SMYD3: variants seen among roughly 807,000 people sequenced by gnomAD.
The protein encoded by SMYD3 is histone-lysine N-methyltransferase SMYD3.
Under a neutral mutation model 57.7 loss-of-function variants are expected in SMYD3, and 36 were observed. The ratio of observed to expected loss-of-function variants is 0.62; its 90% CI spans 0.48 to 0.82. The LOEUF (loss-of-function observed/expected upper bound fraction) is 0.82, where lower values mean the gene tolerates loss of function less well. Among genes scored for constraint, SMYD3 ranks in the 40% least tolerant of loss-of-function variants. SMYD3 has a pLI of 0.00. For missense variants in SMYD3, 515 were observed against 538.8 expected (o/e 0.96, Z 0.44); for synonymous variants, 211 against 195.0 (o/e 1.08, Z -0.68).
At chr1:245,851,342 A>G (rs1413195224) in intron 10 of SMYD3, among the ~76,000 whole-genome samples, 1 of 152,208 alleles carries the variant, frequency 6.6e-6, no homozygotes, top group Non-Finnish European at 1.5e-5. Context: ...TTTGTTGAAA[A>G]GGATGAGTAA....
intron 1 of SMYD3, among the ~76,000 whole-genome samples, chr1:246,366,421 T>C (rs2066103523): frequency 6.6e-6 from 1 of 152,176 alleles, no homozygotes; most frequent in African/African-American, 2.4e-5. Context: ...AACTTTGATA[T>C]GTTACTGCTT....
At position 246,014,500 on chromosome 1, in the gene SMYD3, T is replaced by C. The variant is rs948610533; in HGVS notation, c.532-84563A>G. Among the ~76,000 whole-genome samples the C allele has an allele frequency of 5.4e-4, 82 of 152,134 alleles. 1 individual carries two copies. Among genetic ancestry groups the C allele is most frequent in the Admixed American group, 9.8e-4 (15 of 15,282 alleles). On this transcript the variant is annotated intron_variant, in intron 5 of 11. Transcript: ENST00000490107. The stretch of plus-strand genomic sequence containing the variant: ...AGAGTCACGGGCTTATCCCTGACTC[T>C]AGGACTTAGTAGCGTGGTTAATCAC...
chr1:246,181,427 C>A (rs1386594827), intron 5 of SMYD3, among the ~76,000 whole-genome samples: 2 of 152,182 alleles, frequency 1.3e-5, no homozygotes, highest in Non-Finnish European at 2.9e-5. Flanking sequence ...GACATCCCTG[C>A]CACTCCCCAC....
intron 1 of SMYD3, among the ~76,000 whole-genome samples, chr1:246,440,868 G>A (rs533638812): frequency 2.6e-5 from 4 of 152,052 alleles, no homozygotes; most frequent in African/African-American, 4.8e-5. Flanking sequence ...GGCATACCCC[G>A]TCTTTTGTAT....
In SMYD3 at chr1:246,233,864, AGAG is replaced by A. The variant is rs200977797; in HGVS notation, c.531+93334_531+93336del. The stretch of plus-strand genomic sequence containing the variant: ...ACACAGTGATGAACATATACCACAC[AGAG>A]GAGAAGCACTCCTCAATTCACACTG... On this transcript the variant is annotated intron_variant, in intron 5 of 11. Transcript: ENST00000490107. Among the ~76,000 whole-genome samples the A allele has an allele frequency of 8.7e-3, 1,164 of 133,772 alleles. 25 individuals are homozygous for A. The highest frequency in any genetic ancestry group is 0.019 in the African/African-American group (682 of 35,658). The allele number at this position is 133,772 out of a possible 152,430, so 87.8% of individuals were successfully genotyped here. A position where few individuals can be genotyped will look rare whatever the true frequency, so the allele number is the denominator to read the frequency against.
chr1:246,244,632 T>C (rs1208946564), intron 5 of SMYD3, among the ~76,000 whole-genome samples: 1 of 152,208 alleles, frequency 6.6e-6, no homozygotes, highest in African/African-American at 2.4e-5. Flanking sequence ...ATGGCAGATA[T>C]AAAACATGTA....
chr1:246,005,426 T>G (rs1353668797), intron 5 of SMYD3, among the ~76,000 whole-genome samples: 1 of 152,254 alleles, frequency 6.6e-6, no homozygotes, highest in African/African-American at 2.4e-5. Context: ...CTCAATTAAC[T>G]AGCTCTCTGA....
intron 5 of SMYD3, among the ~76,000 whole-genome samples, chr1:246,225,345 A>AC (rs2063314535): frequency 2.1e-5 from 3 of 141,360 alleles, no homozygotes; most frequent in Admixed American, 7.1e-5. Context: ...AAAAAAAAAA[A>AC]AAAAAAAAAA....
At chr1:245,751,588 GAGAGAAAGAGAGAGAGAGAA>G (rs2045371355) in intron 11 of SMYD3, among the ~76,000 whole-genome samples, 1 of 78,042 alleles carries the variant, frequency 1.3e-5, no homozygotes, top group African/African-American at 4.9e-5. Context: ...AAGAGAGAGA[GAGAGAAAGAGAGAGAGAGAA>G]AGAGAGAGAG....
At chr1:246,376,831 G>A (rs902613070) in intron 1 of SMYD3, among the ~76,000 whole-genome samples, 11 of 151,868 alleles carry the variant, frequency 7.2e-5, no homozygotes, top group African/African-American at 2.7e-4. Flanking sequence ...CGGGAGTGGT[G>A]TCTCACGCCT....
At chr1:245,773,285 T>C (rs151312277) in intron 10 of SMYD3, among the ~76,000 whole-genome samples, 3 of 152,190 alleles carry the variant, frequency 2.0e-5, no homozygotes, top group Admixed American at 1.3e-4. Context: ...AGTGTCCTCA[T>C]TAAGGGAAAG....
intron 8 of SMYD3, among the ~76,000 whole-genome samples, chr1:245,891,622 G>A (rs893089884): frequency 6.6e-6 from 1 of 152,214 alleles, no homozygotes; most frequent in African/African-American, 2.4e-5. Flanking sequence ...GGGGTGAAGA[G>A]GACAGCACGA....
At chr1:246,493,716 C>G (rs998335788) in intron 1 of SMYD3, among the ~76,000 whole-genome samples, 18 of 151,850 alleles carry the variant, frequency 1.2e-4, no homozygotes, top group African/African-American at 4.3e-4. Context: ...CTACTGTCAC[C>G]ACTATTCCAA....
chr1:246,133,613 T>C lies in SMYD3; in HGVS notation c.531+193588A>G, dbSNP rs188061001. Among the ~76,000 whole-genome samples, 223 of 152,230 alleles carry C rather than the reference T, an allele frequency of 1.5e-3. 2 individuals are homozygous for C. Among genetic ancestry groups the C allele is most frequent in the Non-Finnish European group, 2.5e-3 (168 of 67,974 alleles). On this transcript the variant is annotated intron_variant, in intron 5 of 11. Transcript: ENST00000490107. Reference sequence around the variant, plus strand: ...GCAACTATCTTCTTGATATATGTCATCACGATTGGCTGATACTAACGGAAG... The same window carrying C: ...GCAACTATCTTCTTGATATATGTCACCACGATTGGCTGATACTAACGGAAG...
intron 10 of SMYD3, among the ~76,000 whole-genome samples, chr1:245,843,899 C>T (rs1367851191): frequency 6.6e-6 from 1 of 152,158 alleles, no homozygotes; most frequent in Non-Finnish European, 1.5e-5. Context: ...TGTGGGCAAC[C>T]TCCTATTCAA....
rs35432668 is a variant in SMYD3, at chr1:245,988,107, AACACACACAC to A, written c.532-58180_532-58171del. Among the ~76,000 whole-genome samples the A allele has an allele frequency of 3.2e-3, 473 of 148,790 alleles. 1 individual carries two copies. The highest frequency in any genetic ancestry group is 0.01 in the African/African-American group (409 of 40,496). On this transcript the variant is annotated intron_variant, in intron 5 of 11. Transcript: ENST00000490107. ...GTTATTAAACAGACAAACCAAACCAAACACACACACACACACACACACACACACACACACC... is the reference window on the plus strand; with the variant it reads ...GTTATTAAACAGACAAACCAAACCAAACACACACACACACACACACACACC...
At chr1:246,147,910 GC>G (rs71563778) in intron 5 of SMYD3, among the ~76,000 whole-genome samples, 1 of 152,082 alleles carries the variant, frequency 6.6e-6, no homozygotes, top group Admixed American at 6.5e-5. Flanking sequence ...GGGAAGACCC[GC>G]CCCCCACTTC....
intron 5 of SMYD3, among the ~76,000 whole-genome samples, chr1:246,077,801 C>T (rs368091494): frequency 1.2e-4 from 19 of 152,074 alleles, no homozygotes; most frequent in East Asian, 9.7e-4. Flanking sequence ...ATTCAAGTTG[C>T]CTGTTTATGT....
At chr1:246,185,619 G>A (rs1235806909) in intron 5 of SMYD3, among the ~76,000 whole-genome samples, 1 of 151,918 alleles carries the variant, frequency 6.6e-6, no homozygotes, top group African/African-American at 2.4e-5. Context: ...CCGCCACCAC[G>A]CCCGGCTAAT....
Sources: allele counts gnomAD v4.1 joint callset (sites outside exome capture counted in the v4.1 genomes callset), GRCh38; gene constraint gnomAD v4.1.1; transcripts MANE v1.5; gene names NCBI Gene and HGNC (gene_info 2026-07-23, HGNC 2026-07-21).